The following SNHG17 variants were observed in gnomAD, a reference collection of about 807,000 sequenced individuals.
The protein encoded by SNHG17 is small nucleolar RNA host gene 17 (non-protein coding).
intron 3 of SNHG17, chr20:38,429,602 G>A (rs761295707): frequency 1.8e-5 from 8 of 434,020 alleles, no homozygotes; most frequent in East Asian, 6.7e-5. Flanking sequence ...CCAGGGAGAA[G>A]AGCAACACAA....
chr20:38,424,748 T>A (rs1005696874), intron 5 of SNHG17, among the ~76,000 whole-genome samples: 13 of 151,788 alleles, frequency 8.6e-5, no homozygotes, highest in African/African-American at 2.9e-4. Context: ...TGGGGGGAGC[T>A]CTAGGAAGGG....
intron 3 of SNHG17, chr20:38,429,569 T>C (rs973737774): frequency 2.7e-6 from 1 of 369,796 alleles, no homozygotes; most frequent in African/African-American, 2.2e-5. Context: ...CCTTCCCTCA[T>C]GTCTCACAAT....
chr20:38,425,139 AG>A (rs2084224798), intron 5 of SNHG17: 1 of 496,928 alleles, frequency 2.0e-6, no homozygotes, highest in Non-Finnish European at 4.1e-6. Flanking sequence ...TGAGGTAAAC[AG>A]GGGTCTGGCA....
chr20:38,429,886 A>G, intron 3 of SNHG17: 1 of 479,884 alleles, frequency 2.1e-6, no homozygotes, highest in Non-Finnish European at 4.1e-6. Flanking sequence ...AGAACAGCTG[A>G]CAGGGCAATG....
intron 2 of SNHG17, among the ~76,000 whole-genome samples, chr20:38,431,712 C>T (rs1378196922): frequency 6.6e-6 from 1 of 152,164 alleles, no homozygotes; most frequent in Non-Finnish European, 1.5e-5. Flanking sequence ...AGTGGTAAAG[C>T]GTTTGGGACC....
At position 38,426,883 on chromosome 20, in the gene SNHG17, C is replaced by A. The variant is rs997420698; in HGVS notation, n.381-380G>T. Among the ~76,000 whole-genome samples the A allele has an allele frequency of 1.9e-4, 29 of 150,446 alleles. 3 individuals are homozygous for A. The highest frequency in any genetic ancestry group is 6.4e-4 in the African/African-American group (26 of 40,884). ...TCAGAACCCGGCTGTGCTCCCCTTG[C>A]AGCAATGAGCACTTTCTCTTTCTTA... On this transcript the variant is annotated intron_variant and non_coding_transcript_variant, in intron 3 of 8. Transcript: ENST00000654008.
At chr20:38,429,615 C>T in intron 3 of SNHG17, 1 of 461,136 alleles carries the variant, frequency 2.2e-6, no homozygotes, top group South Asian at 1.6e-5. Context: ...CAACACAACC[C>T]ACTAGATGAT....
intron 2 of SNHG17, among the ~76,000 whole-genome samples, chr20:38,432,798 C>A (rs901627903): frequency 1.3e-5 from 2 of 151,742 alleles, no homozygotes; most frequent in Non-Finnish European, 2.9e-5. Context: ...CACCTCCTGG[C>A]GCATGCCACC....
intron 6 of SNHG17, chr20:38,422,048 G>C (rs1414249136): frequency 1.3e-5 from 2 of 152,456 alleles, no homozygotes; most frequent in African/African-American, 4.8e-5. Context: ...GGACACACCA[G>C]CGCTCAAGGG....
intron 5 of SNHG17, among the ~76,000 whole-genome samples, chr20:38,423,478 G>A (rs2084193395): frequency 7.0e-6 from 1 of 142,900 alleles, no homozygotes; most frequent in South Asian, 2.2e-4. Context: ...GGATGGACCT[G>A]GAGGATATTA....
chr20:38,431,049 T>G (rs1399489470), exon 3 of SNHG17: 2 of 152,290 alleles, frequency 1.3e-5, no homozygotes, highest in Non-Finnish European at 2.9e-5. Flanking sequence ...ACCTGGGACC[T>G]CAGGATCCAT....
chr20:38,421,255 A>C (rs1057396087), intron 6 of SNHG17: 6 of 152,232 alleles, frequency 3.9e-5, no homozygotes, highest in African/African-American at 1.4e-4. Context: ...TGAAAGGACA[A>C]ACATCTTAGA....
intron 2 of SNHG17, chr20:38,433,998 T>C (rs2084384483): frequency 1.9e-6 from 1 of 518,230 alleles, no homozygotes; most frequent in Non-Finnish European, 3.9e-6. Flanking sequence ...CGAATACAGG[T>C]GCAAAAAAGG....
intron 5 of SNHG17, among the ~76,000 whole-genome samples, chr20:38,424,585 T>TCA (rs1169398180): frequency 1.3e-5 from 2 of 152,154 alleles, no homozygotes; most frequent in Non-Finnish European, 2.9e-5. Flanking sequence ...GTGCTACATG[T>TCA]CAGTTACCAG....
At chr20:38,426,621 C>G (rs529104245) in intron 3 of SNHG17, 2 of 151,234 alleles carry the variant, frequency 1.3e-5, no homozygotes, top group South Asian at 4.2e-4. Flanking sequence ...GCGGCTGCAT[C>G]AGTGACTTCC....
chr20:38,424,012 A>G (rs1359603092), intron 5 of SNHG17, among the ~76,000 whole-genome samples: 1 of 152,008 alleles, frequency 6.6e-6, no homozygotes, highest in African/African-American at 2.4e-5. Flanking sequence ...TCTCTACTAA[A>G]AATACAAAAA....
At chr20:38,434,925 T>A in intron 1 of SNHG17, 2 of 1,224,700 alleles carry the variant, frequency 1.6e-6, no homozygotes, top group Non-Finnish European at 1.0e-6. Context: ...TTTCCCGCCA[T>A]CCAGGGGCAC....
At chr20:38,425,329 G>A (rs1178274526) in intron 5 of SNHG17, 1 of 519,024 alleles carries the variant, frequency 1.9e-6, no homozygotes, top group Non-Finnish European at 3.8e-6. Flanking sequence ...TTCGAATACA[G>A]GGACAAAATA....
At chr20:38,424,184 TAAA>T (rs11350648) in intron 5 of SNHG17, among the ~76,000 whole-genome samples, 1 of 145,562 alleles carries the variant, frequency 6.9e-6, no homozygotes, top group Non-Finnish European at 1.5e-5. Context: ...AAAAAAAAAT[TAAA>T]AAAAAAAGAA....
Sources: allele counts gnomAD v4.1 joint callset (sites outside exome capture counted in the v4.1 genomes callset), GRCh38; gene constraint gnomAD v4.1.1; transcripts MANE v1.5; gene names NCBI Gene and HGNC (gene_info 2026-07-23, HGNC 2026-07-21).